SPACA7: variants seen among roughly 807,000 people sequenced by gnomAD.
The protein encoded by SPACA7 is sperm acrosome-associated protein 7.
In SPACA7, 19 loss-of-function variants were observed where a neutral mutation model predicts 26.3. That is an observed-to-expected ratio of 0.72 (90% CI 0.50 to 1.06). The LOEUF (loss-of-function observed/expected upper bound fraction) is 1.06. SPACA7 is among the 50% of genes least tolerant of loss of function. The pLI, the probability that SPACA7 is intolerant of heterozygous loss-of-function variation, is 0.00. For synonymous variants in SPACA7, 84 were observed against 84.5 expected, an observed-to-expected ratio of 0.99 and a Z score of 0.04; for missense variants, 211 against 229.9, an observed-to-expected ratio of 0.92 and a Z score of 0.53.
intron 1 of SPACA7, among the ~76,000 whole-genome samples, chr13:112,378,059 T>C (rs1345843802): frequency 1.3e-5 from 2 of 152,124 alleles, no homozygotes; most frequent in African/African-American, 4.8e-5. Flanking sequence ...CAGTCATGGT[T>C]ATGCTGGGGG....
chr13:112,383,055 A>AGGCAGAAG (rs1566452447), intron 1 of SPACA7, among the ~76,000 whole-genome samples: 2 of 149,054 alleles, frequency 1.3e-5, no homozygotes, highest in Non-Finnish European at 3.0e-5. Flanking sequence ...ACAGAAGGAA[A>AGGCAGAAG]GAAAGAGACA....
At chr13:112,387,752 T>G (rs1884621396) in intron 1 of SPACA7, among the ~76,000 whole-genome samples, 1 of 152,182 alleles carries the variant, frequency 6.6e-6, no homozygotes, top group Non-Finnish European at 1.5e-5. Flanking sequence ...AATCACCATT[T>G]CCTGTTTTAT....
chr13:112,396,179 G>A (rs1436993718), intron 2 of SPACA7, among the ~76,000 whole-genome samples: 2 of 149,414 alleles, frequency 1.3e-5, no homozygotes, highest in African/African-American at 4.9e-5. Flanking sequence ...GGCATGGAGT[G>A]GACTGGGTCA....
chr13:112,401,780 G>T (rs993149654), intron 5 of SPACA7, among the ~76,000 whole-genome samples: 2 of 152,186 alleles, frequency 1.3e-5, no homozygotes, highest in Non-Finnish European at 2.9e-5. Flanking sequence ...GGTGTGAGGT[G>T]TTCCTAATTT....
chr13:112,403,823 A>G (rs1885800625), intron 5 of SPACA7, among the ~76,000 whole-genome samples: 1 of 152,206 alleles, frequency 6.6e-6, no homozygotes, highest in Non-Finnish European at 1.5e-5. Context: ...CCACTCATTG[A>G]TTTATGGGCA....
chr13:112,430,174 CTGTGTGTGTGTG>C (rs61438595), intron 5 of SPACA7, among the ~76,000 whole-genome samples: 1 of 134,210 alleles, frequency 7.5e-6, no homozygotes, highest in Non-Finnish European at 1.6e-5. Context: ...ATCTCTCTCT[CTGTGTGTGTGTG>C]TGTGTGTGTG....
At chr13:112,397,023 G>A (rs1261975884) in intron 2 of SPACA7, among the ~76,000 whole-genome samples, 2 of 152,234 alleles carry the variant, frequency 1.3e-5, no homozygotes, top group African/African-American at 4.8e-5. Context: ...CGGCTGCAGG[G>A]GGCCTCACTG....
chr13:112,398,955 C>T (rs1301794065), intron 3 of SPACA7, 111 bp from the exon 4 acceptor site: 1 of 695,114 alleles, frequency 1.4e-6, no homozygotes, highest in South Asian at 1.7e-5. Flanking sequence ...AGCTTGCAAA[C>T]TGTATTAACA....
chr13:112,419,559 G>T (rs1225347907), intron 5 of SPACA7, among the ~76,000 whole-genome samples: 2 of 152,194 alleles, frequency 1.3e-5, no homozygotes, highest in African/African-American at 4.8e-5. Flanking sequence ...GACTTCTGGG[G>T]ATAGGAGTAA....
chr13:112,429,561 C>T (rs1352263982), intron 5 of SPACA7, among the ~76,000 whole-genome samples: 5 of 152,068 alleles, frequency 3.3e-5, no homozygotes, highest in Admixed American at 6.6e-5. Flanking sequence ...TTATAGACAG[C>T]GTATGGTTGG....
chr13:112,413,160 T>G (rs1015294304), intron 5 of SPACA7, among the ~76,000 whole-genome samples: 1 of 152,208 alleles, frequency 6.6e-6, no homozygotes, highest in African/African-American at 2.4e-5. Context: ...GTCTGCTGAC[T>G]TTTACCATTG....
At chr13:112,407,976 C>T (rs9603891) in intron 5 of SPACA7, among the ~76,000 whole-genome samples, 99,833 of 152,012 alleles carry the variant, frequency 0.66, 33,320 homozygotes, top group African/African-American at 0.78. Context: ...CTCAATAACA[C>T]ACTGGCAAAC....
At chr13:112,384,064 AG>A (rs1425020181) in intron 1 of SPACA7, among the ~76,000 whole-genome samples, 2 of 152,226 alleles carry the variant, frequency 1.3e-5, no homozygotes, top group African/African-American at 2.4e-5. Context: ...GGAAAACAAA[AG>A]GTTTAGCAAT....
At chr13:112,431,448 C>A (rs1877128592) in intron 5 of SPACA7, among the ~76,000 whole-genome samples, 1 of 152,132 alleles carries the variant, frequency 6.6e-6, no homozygotes, top group Non-Finnish European at 1.5e-5. Flanking sequence ...CTGGTAAAAT[C>A]TAAGTATCCC....
intron 1 of SPACA7, among the ~76,000 whole-genome samples, chr13:112,378,133 G>C (rs1883813118): frequency 1.3e-5 from 2 of 152,146 alleles, no homozygotes; most frequent in Admixed American, 6.5e-5. Context: ...TGAGTTGTCA[G>C]GCTTTAGTTC....
chr13:112,402,757 T>C (rs1025195142), intron 5 of SPACA7, among the ~76,000 whole-genome samples: 30 of 152,290 alleles, frequency 2.0e-4, no homozygotes, highest in African/African-American at 6.7e-4. Context: ...GAGCCCATAG[T>C]TTTTTTCTTT....
chr13:112,383,195 AAAG>A (rs201523169), intron 1 of SPACA7, among the ~76,000 whole-genome samples: 11 of 137,548 alleles, frequency 8.0e-5, no homozygotes, highest in African/African-American at 2.6e-4. Flanking sequence ...GAAAGAAAGA[AAAG>A]AAAGAAAGAA....
At chr13:112,382,494 G>C (rs1401339456) in intron 1 of SPACA7, 3 of 1,550,466 alleles carry the variant, frequency 1.9e-6, no homozygotes, top group Non-Finnish European at 2.6e-6. Flanking sequence ...GTGGGAATGG[G>C]AATGAACCCC....
At chr13:112,426,726 T>C (rs1049289189) in intron 5 of SPACA7, among the ~76,000 whole-genome samples, 24 of 152,256 alleles carry the variant, frequency 1.6e-4, no homozygotes, top group Non-Finnish European at 2.9e-5. Flanking sequence ...TTATTGCTTT[T>C]GTATATTGAC....
Sources: allele counts gnomAD v4.1 joint callset (sites outside exome capture counted in the v4.1 genomes callset), GRCh38; gene constraint gnomAD v4.1.1; transcripts MANE v1.5; gene names NCBI Gene and HGNC (gene_info 2026-07-23, HGNC 2026-07-21).